SATB2: variants seen among roughly 807,000 people sequenced by gnomAD.
The protein encoded by SATB2 is SATB homeobox 2.
SATB2 carries 1 observed loss-of-function variant against 73.4 expected under a neutral mutation model. The ratio of observed to expected loss-of-function variants is 0.01; its 90% CI spans 0.00 to 0.06. The LOEUF (loss-of-function observed/expected upper bound fraction) is 0.06. Ranked by LOEUF, SATB2 falls within the 10% of genes least tolerant of loss-of-function variation. SATB2 has a pLI of 1.00. For synonymous variants in SATB2, 397 were observed against 367.0 expected (o/e 1.08, Z -0.93); for missense variants, 459 against 945.8 (o/e 0.49, Z 6.75).
chr2:199,336,417 A>C (rs1020953687), intron 7 of SATB2, among the ~76,000 whole-genome samples: 4 of 152,286 alleles, frequency 2.6e-5, no homozygotes, highest in Admixed American at 1.3e-4. Flanking sequence ...AACCTGCCCC[A>C]AAAATTTACT....
Position 199,308,040 on chromosome 2 carries a change from G to A in SATB2, c.1740+720C>T, listed in dbSNP as rs529388934. On this transcript the variant is annotated intron_variant, in intron 10 of 10. Transcript: ENST00000417098. The surrounding 1 kb of genome is among the most constrained non-coding windows in gnomAD (Gnocchi z 4.6). ...AAACAATTTGTGGGCCAAACTCTAG[G>A]GGGTCTAACGTTGGAAACCTCAACT... Among the ~76,000 whole-genome samples, 1 of 152,128 alleles carries A rather than the reference G, an allele frequency of 6.6e-6. No homozygotes were observed. The highest frequency in any genetic ancestry group is 2.4e-5 in the African/African-American group (1 of 41,428).
intron 3 of SATB2, among the ~76,000 whole-genome samples, chr2:199,423,241 G>A (rs755454643): frequency 4.6e-5 from 7 of 152,064 alleles, no homozygotes; most frequent in Non-Finnish European, 8.8e-5. Context: ...AAGAATGTAA[G>A]TATCTTGAGG....
In SATB2 at chr2:199,272,549, A is replaced by C; in HGVS notation, c.1864T>G (p.Ser622Ala). Residue 622 changes from serine (S) to alanine (A), a missense_variant, in exon 11 of 11, where the codon TCC (serine) becomes GCC (alanine). Coordinates refer to ENST00000417098, the MANE Select transcript of SATB2 (RefSeq NM_001172509.2). This position sits in a 1 kb window ranked among gnomAD's most constrained non-coding sequence, Gnocchi z 6.7. ...AKKPRSRTKISLEALGILQSF... is the reference protein window; with the variant it reads ...AKKPRSRTKIALEALGILQSF... ...TGGAGGATCCCCAGGGCTTCTAAGG[A>C]GATCTTTGTGCGAGACCGGGGCTTT... 1.2e-6 allele frequency: 2 copies of C among 1,614,096 alleles called. No homozygotes were observed. The highest frequency in any genetic ancestry group is 1.7e-6 in the Non-Finnish European group (2 of 1,180,014).
At chr2:199,299,160 G>A (rs777819549) in intron 10 of SATB2, among the ~76,000 whole-genome samples, 12 of 152,192 alleles carry the variant, frequency 7.9e-5, no homozygotes, top group Non-Finnish European at 1.6e-4. Context: ...GACATAAAAA[G>A]AGAAGTGTTT....
In SATB2 at chr2:199,455,888, G is replaced by A. The variant is rs778660613; in HGVS notation, c.150C>T (p.Ala50=). 11 of 1,537,394 alleles carry A rather than the reference G, an allele frequency of 7.2e-6. No homozygotes were observed. In the Admixed American group the frequency reaches 1.9e-4, roughly 27 times the overall value. The change falls in exon 2 of 11, where the codon GCC becomes GCT. Residue 50 remains alanine (A), a synonymous_variant. Coordinates refer to ENST00000417098, the MANE Select transcript of SATB2 (RefSeq NM_001172509.2). This position sits in a 1 kb window ranked among gnomAD's most constrained non-coding sequence, Gnocchi z 4.1. ...PMGARGRPNG[A]VAKAVGGLMI... ...TGTTACCTCCCACGGCCTTGGCCAC[G>A]GCGCCGTTGGGCCTCCCGCGGGCTC...
intron 3 of SATB2, among the ~76,000 whole-genome samples, chr2:199,429,233 C>T (rs996522447): frequency 2.6e-5 from 4 of 151,968 alleles, no homozygotes; most frequent in Admixed American, 2.0e-4. Flanking sequence ...ATTATCTTCC[C>T]ATTTATTCAA....
At chr2:199,352,075 T>C (rs1012070560) in intron 6 of SATB2, among the ~76,000 whole-genome samples, 1 of 152,180 alleles carries the variant, frequency 6.6e-6, no homozygotes, top group African/African-American at 2.4e-5. Context: ...GTTTCACCCA[T>C]CTTGGCCAGG....
chr2:199,426,941 T>C (rs979341143), intron 3 of SATB2, among the ~76,000 whole-genome samples: 1 of 152,104 alleles, frequency 6.6e-6, no homozygotes, highest in South Asian at 2.1e-4. Context: ...TATCACAATC[T>C]TGGCTCACTG....
upstream of SATB2, among the ~76,000 whole-genome samples, chr2:199,461,986 G>A (rs1005117943): frequency 6.6e-6 from 1 of 152,188 alleles, no homozygotes. Flanking sequence ...CTGGGTGGAG[G>A]GTGCAGGGTG....
intron 10 of SATB2, among the ~76,000 whole-genome samples, chr2:199,289,167 G>A (rs1401163580): frequency 6.6e-6 from 1 of 152,126 alleles, no homozygotes; most frequent in Non-Finnish European, 1.5e-5. Flanking sequence ...TATTGGTTTT[G>A]TATCCTCCAC....
chr2:199,338,917 TAAAAAAAAA>T (rs564809180), intron 7 of SATB2, among the ~76,000 whole-genome samples: 1 of 128,076 alleles, frequency 7.8e-6, no homozygotes, highest in South Asian at 2.6e-4. Flanking sequence ...GACTCTGTCT[TAAAAAAAAA>T]AAAAAAAAAA....
chr2:199,342,426 T>TA (rs532281689), intron 7 of SATB2, among the ~76,000 whole-genome samples: 17,068 of 122,296 alleles, frequency 0.14, 1,200 homozygotes, highest in South Asian at 0.31. Context: ...AAAGACTAGC[T>TA]AAAAAAAAAA....
At chr2:199,434,595 G>C (rs553853061) in intron 2 of SATB2, among the ~76,000 whole-genome samples, 3 of 152,114 alleles carry the variant, frequency 2.0e-5, no homozygotes, top group African/African-American at 7.2e-5. Context: ...TCTTCTTTTT[G>C]TGCAAGAAAA....
intron 9 of SATB2, among the ~76,000 whole-genome samples, chr2:199,322,613 T>C (rs1019407064): frequency 2.0e-5 from 3 of 152,180 alleles, no homozygotes; most frequent in Non-Finnish European, 4.4e-5. Flanking sequence ...TTTCAATCCC[T>C]TTCCAAGTTC....
rs1248499821 is a variant in SATB2 at position 199,463,914 on chromosome 2, G to A, written c.-141+922C>T. On this transcript the variant is annotated intron_variant, in intron 1 of 11. Transcript: ENST00000260926. The surrounding 1 kb of genome is among the most constrained non-coding windows in gnomAD (Gnocchi z 6.4). The stretch of plus-strand genomic sequence containing the variant: ...AGCTCAGGCAGCCGGGTGCAAGGGG[G>A]CCCAAACCGCAGTTGCCTCCCGAAC... 6.6e-6 allele frequency among the ~76,000 whole-genome samples: 1 copy of A among 152,174 alleles called. No individual in the cohort carries two copies. The highest frequency in any genetic ancestry group is 2.4e-5 in the African/African-American group (1 of 41,454).
At chr2:199,311,026 A>G (rs982168455) in intron 9 of SATB2, among the ~76,000 whole-genome samples, 1 of 152,206 alleles carries the variant, frequency 6.6e-6, no homozygotes, top group African/African-American at 2.4e-5. Flanking sequence ...GCTGTCTGCC[A>G]TCAGTCTTTA....
rs773036691 is a variant in SATB2, at chr2:199,272,364, C to T, written c.2049G>A (p.Ala683=). 15 of 1,614,054 alleles carry T rather than the reference C, an allele frequency of 9.3e-6. No individual in the cohort carries two copies. The highest frequency in any genetic ancestry group is 1.7e-5 in the Admixed American group (1 of 59,996). Residue 683 remains alanine, a synonymous_variant, in exon 11 of 11, where the codon GCG becomes GCA. Coordinates refer to ENST00000417098, the MANE Select transcript of SATB2 (RefSeq NM_001172509.2). This position sits in a 1 kb window ranked among gnomAD's most constrained non-coding sequence, Gnocchi z 6.7. ...CGTCCTTATATTCAGCCACGTCCAC[C>T]GCGGAGCCCAGGTGCTCTTTCAGCT... ...HGKLKEHLGS[A]VDVAEYKDEE...
rs2105706426 is a variant in SATB2 at position 199,272,236 on chromosome 2, G to A, written c.2177C>T (p.Ala726Val). The change falls in exon 11 of 11, where the codon GCA (alanine) becomes GTA (valine). Residue 726 changes from alanine (A) to valine (V), a missense_variant. Ala to Val is a moderately conservative substitution (Grantham distance 64, BLOSUM62 0). Transcript: ENST00000417098. The surrounding 1 kb of genome is among the most constrained non-coding windows in gnomAD (Gnocchi z 6.7). ...EEENADKSKA[A>V]PAEIDQR The stretch of plus-strand genomic sequence containing the variant: ...TTATCTCTGGTCAATTTCGGCAGGT[G>A]CTGCCTTGCTTTTGTCAGCATTTTC... 1 of 1,614,124 alleles carries A rather than the reference G, an allele frequency of 6.2e-7. No individual in the cohort carries two copies. The highest frequency in any genetic ancestry group is 8.5e-7 in the Non-Finnish European group (1 of 1,180,014).
At chr2:199,397,734 C>T (rs750902192) in intron 3 of SATB2, 37 of 413,492 alleles carry the variant, frequency 8.9e-5, no homozygotes, top group Admixed American at 2.7e-4. Flanking sequence ...ACTAAAAATA[C>T]GGAAATAAGC....
Sources: gnomAD v4.1 joint callset for allele counts (sites outside exome capture counted in the v4.1 genomes callset) on GRCh38, gnomAD v4.1.1 for gene constraint, Gnocchi (gnomAD v3.1) non-coding constraint, MANE v1.5 for transcripts, NCBI Gene and HGNC (gene_info 2026-07-23, HGNC 2026-07-21) for gene names.